NHSL1: variants seen among roughly 807,000 people sequenced by gnomAD.
NHSL1 encodes the protein NHS like 1.
NHSL1 carries 48 observed loss-of-function variants against 95.0 expected under a neutral mutation model. The observed-to-expected ratio is 0.51, with a 90% CI of 0.40 to 0.64. The LOEUF (loss-of-function observed/expected upper bound fraction) is 0.64. NHSL1 is among the 30% of genes least tolerant of loss of function. The probability of loss-of-function intolerance (pLI) is 0.00; values close to 1 mark genes in which losing one functional copy is unlikely to be tolerated. For missense variants in NHSL1, 1,971 were observed against 2,077.7 expected (o/e 0.95, Z 1.00); for synonymous variants, 783 against 833.9 (o/e 0.94, Z 1.05).
chr6:138,499,400 C>A lies in NHSL1; in HGVS notation c.-110G>T. 6.7e-7 allele frequency: 1 copy of A among 1,491,782 alleles called. No individual in the cohort carries two copies. Among genetic ancestry groups the A allele is most frequent in the South Asian group, 1.3e-5 (1 of 77,916 alleles). The allele number at this position is 1,491,782 out of a possible 1,614,324, so 92.4% of individuals were successfully genotyped here. A position where few individuals can be genotyped will look rare whatever the true frequency, so the allele number is the denominator to read the frequency against. On this transcript the variant is annotated 5_prime_UTR_variant, in exon 1 of 8. Transcript: ENST00000343505. ...GCTACAGATTCTAACTTTTTCTTCC[C>A]CCGGTCTCATATCCTTAGACATCTG...
chr6:138,596,556 A>C (rs966459136), intron 1 of NHSL1, among the ~76,000 whole-genome samples: 1 of 152,198 alleles, frequency 6.6e-6, no homozygotes, highest in African/African-American at 2.4e-5. Flanking sequence ...GCAGAAACTG[A>C]ACTGTATTTC....
intron 1 of NHSL1, among the ~76,000 whole-genome samples, chr6:138,541,094 G>A (rs547480359): frequency 6.6e-5 from 10 of 152,324 alleles, no homozygotes; most frequent in East Asian, 1.9e-4. Flanking sequence ...CAGGCCAGGC[G>A]TGGTGGCTCA....
rs1054097961 is a variant in NHSL1 at position 138,422,112 on chromosome 6, T to A, written c.*1969A>T. 1 of 152,260 alleles carries A rather than the reference T, an allele frequency of 6.6e-6. No homozygotes were observed. Among genetic ancestry groups the A allele is most frequent in the Non-Finnish European group, 1.5e-5 (1 of 68,050 alleles). 9.4% of individuals were successfully genotyped at this position (152,260 alleles called of 1,614,324 possible). A position where few individuals can be genotyped will look rare whatever the true frequency, so the allele number is the denominator to read the frequency against. On this transcript the variant is annotated 3_prime_UTR_variant, in exon 8 of 8. Coordinates refer to ENST00000343505, the MANE Select transcript of NHSL1 (RefSeq NM_001144060.2). The stretch of plus-strand genomic sequence containing the variant: ...TATATTTTTCATTAAAAATGGGGAT[T>A]TAAAAATAGTTTTATAATTAGTGTT...
chr6:138,657,431 A>G (rs1170732837), intron 1 of NHSL1, among the ~76,000 whole-genome samples: 1 of 152,260 alleles, frequency 6.6e-6, no homozygotes, highest in Non-Finnish European at 1.5e-5. Flanking sequence ...CCTTGTCTGT[A>G]TGAAACATTT....
At chr6:138,605,657 G>A (rs1481654957) in intron 1 of NHSL1, among the ~76,000 whole-genome samples, 1 of 152,120 alleles carries the variant, frequency 6.6e-6, no homozygotes, top group Non-Finnish European at 1.5e-5. Flanking sequence ...AAATATAAAG[G>A]CAACAATTCA....
intron 1 of NHSL1, among the ~76,000 whole-genome samples, chr6:138,678,510 A>G (rs888378741): frequency 2.0e-5 from 3 of 152,240 alleles, no homozygotes; most frequent in Admixed American, 6.5e-5. Flanking sequence ...AAATACCTGT[A>G]AACCCCTAGC....
intron 1 of NHSL1, chr6:138,650,482 G>C (rs769382044): frequency 1.2e-6 from 1 of 851,126 alleles, no homozygotes; most frequent in Non-Finnish European, 1.9e-6. Context: ...GCCTGGTGGA[G>C]GCTGTCATCC....
At chr6:138,504,920 C>T in intron 1 of NHSL1, among the ~76,000 whole-genome samples, 1 of 152,110 alleles carries the variant, frequency 6.6e-6, no homozygotes, top group East Asian at 1.9e-4. Context: ...ACCAAATAAA[C>T]CTAAAGTATA....
At chr6:138,508,892 C>T (rs997361950) in intron 1 of NHSL1, among the ~76,000 whole-genome samples, 1 of 152,160 alleles carries the variant, frequency 6.6e-6, no homozygotes, top group Non-Finnish European at 1.5e-5. Flanking sequence ...TATACTTGAA[C>T]CAATTATTCT....
intron 1 of NHSL1, among the ~76,000 whole-genome samples, chr6:138,602,569 T>G (rs113438436): frequency 6.6e-6 from 1 of 152,154 alleles, no homozygotes; most frequent in Non-Finnish European, 1.5e-5. Context: ...CTCGAACTCC[T>G]GACCTCTGAC....
intron 4 of NHSL1, among the ~76,000 whole-genome samples, chr6:138,443,992 A>G (rs1246283403): frequency 6.6e-6 from 1 of 152,222 alleles, no homozygotes; most frequent in African/African-American, 2.4e-5. Flanking sequence ...TTGATCTTGC[A>G]TCATGACCTA....
chr6:138,669,905 G>A lies in NHSL1; in HGVS notation c.96+22571C>T, dbSNP rs112467335. 9.6e-3 allele frequency among the ~76,000 whole-genome samples: 1,459 copies of A among 152,186 alleles called. 17 individuals carry two copies. The highest frequency in any genetic ancestry group is 0.029 in the African/African-American group (1,190 of 41,518). On this transcript the variant is annotated intron_variant, in intron 1 of 3. Coordinates refer to the NHSL1 transcript ENST00000491526. ...GGAGGCCAAGGTGGGTGGATCACCC[G>A]AGGTCAGGAGTTTGAGACCAGCATG...
At chr6:138,508,573 A>G (rs548991320) in intron 1 of NHSL1, among the ~76,000 whole-genome samples, 1 of 152,296 alleles carries the variant, frequency 6.6e-6, no homozygotes, top group Admixed American at 6.5e-5. Context: ...TTTCAATTCC[A>G]TGTGCTACTT....
At chr6:138,620,980 G>C (rs926944368) in intron 1 of NHSL1, among the ~76,000 whole-genome samples, 1 of 152,150 alleles carries the variant, frequency 6.6e-6, no homozygotes, top group Admixed American at 6.6e-5. Flanking sequence ...TTGAGTGAGG[G>C]GACATGCTGT....
At chr6:138,561,905 C>T (rs550105415) in intron 1 of NHSL1, among the ~76,000 whole-genome samples, 1 of 152,292 alleles carries the variant, frequency 6.6e-6, no homozygotes, top group African/African-American at 2.4e-5. Flanking sequence ...AGCACAGTAA[C>T]GAATTTTAGC....
intron 1 of NHSL1, among the ~76,000 whole-genome samples, chr6:138,617,968 C>T (rs190596671): frequency 3.3e-5 from 5 of 152,250 alleles, no homozygotes; most frequent in Admixed American, 2.6e-4. Flanking sequence ...CATGAAGCAC[C>T]GTGGAGATGC....
At chr6:138,552,025 T>G (rs1042270962) in intron 1 of NHSL1, among the ~76,000 whole-genome samples, 15 of 152,222 alleles carry the variant, frequency 9.9e-5, no homozygotes, top group African/African-American at 3.4e-4. Context: ...AAATGCTTCA[T>G]GGAGGCTCTT....
upstream of NHSL1, among the ~76,000 whole-genome samples, chr6:138,576,379 TA>T (rs1422390613): frequency 1.3e-5 from 2 of 152,252 alleles, no homozygotes; most frequent in Admixed American, 6.5e-5. Context: ...TTAACGTAGC[TA>T]TTTTTCTCCA....
At chr6:138,564,520 C>G (rs1319502223) in intron 1 of NHSL1, among the ~76,000 whole-genome samples, 1 of 152,116 alleles carries the variant, frequency 6.6e-6, no homozygotes, top group Non-Finnish European at 1.5e-5. Flanking sequence ...CAAAAACTGG[C>G]CAGACTAAGC....
Sources: allele counts gnomAD v4.1 joint callset (sites outside exome capture counted in the v4.1 genomes callset), GRCh38; gene constraint gnomAD v4.1.1; transcripts MANE v1.5; gene names NCBI Gene and HGNC (gene_info 2026-07-23, HGNC 2026-07-21).